DDX60L: variants seen among roughly 807,000 people sequenced by gnomAD.
DDX60L encodes DExD/H-box 60 like.
Under a neutral mutation model 211.6 loss-of-function variants are expected in DDX60L, and 191 were observed. The observed-to-expected ratio is 0.90, with a 90% confidence interval of 0.80 to 1.02. DDX60L has a LOEUF of 1.02. DDX60L is among the 50% of genes least tolerant of loss of function. DDX60L has a pLI of 0.00. For synonymous variants in DDX60L, 706 were observed against 694.1 expected, an observed-to-expected ratio of 1.02 and a Z score of -0.27; for missense variants, 2,007 against 1,984.1, an observed-to-expected ratio of 1.01 and a Z score of -0.22.
chr4:168,365,448 A>G (rs995951334), intron 36 of DDX60L, among the ~76,000 whole-genome samples: 1 of 152,048 alleles, frequency 6.6e-6, no homozygotes, highest in Non-Finnish European at 1.5e-5. Context: ...GGACATATAC[A>G]ACTTCCCAAA....
In DDX60L at chr4:168,384,900, CG is replaced by C. The variant is rs1303292099; in HGVS notation, c.3916-89del. 41 of 1,304,154 alleles carry C rather than the reference CG, an allele frequency of 3.1e-5. 1 individual carries two copies. The highest frequency in any genetic ancestry group is 4.0e-5 in the Non-Finnish European group (37 of 933,896). The allele number at this position is 1,304,154 out of a possible 1,614,324, so 80.8% of individuals were successfully genotyped here. ...GATTTATGACTTTACACTTGTTATC[CG>C]GGATTGTGTTAAATTGTGTATTTAG... On this transcript the variant is annotated intron_variant, in intron 29 of 37. Transcript: ENST00000682922.
chr4:168,415,025 G>A (rs1227524776), intron 22 of DDX60L, among the ~76,000 whole-genome samples: 2 of 151,754 alleles, frequency 1.3e-5, no homozygotes, highest in Non-Finnish European at 2.9e-5. Flanking sequence ...TTGTGCTTAA[G>A]GTAATGGATA....
chr4:168,431,554 C>A (rs374927055), intron 12 of DDX60L, among the ~76,000 whole-genome samples: 3 of 84,858 alleles, frequency 3.5e-5, no homozygotes, highest in African/African-American at 4.8e-5. Context: ...GACTGTTGTG[C>A]GGTGGGGGGT....
chr4:168,383,023 T>C (rs1182146654), intron 30 of DDX60L, among the ~76,000 whole-genome samples: 2 of 152,222 alleles, frequency 1.3e-5, no homozygotes, highest in Admixed American at 6.5e-5. Context: ...CTGACAGTTC[T>C]GAGATTTAGG....
intron 9 of DDX60L, among the ~76,000 whole-genome samples, chr4:168,442,851 G>A (rs1340537417): frequency 6.6e-6 from 1 of 151,142 alleles, no homozygotes; most frequent in Non-Finnish European, 1.5e-5. Flanking sequence ...AAACAGAAAG[G>A]ACATCCACAC....
At chr4:168,453,386 A>G (rs1017355100) in intron 7 of DDX60L, 104 bp from the exon 8 acceptor site, 7 of 1,236,220 alleles carry the variant, frequency 5.7e-6, no homozygotes, top group African/African-American at 4.6e-5. Flanking sequence ...TTACATCTAC[A>G]TTTGTGAGAA....
chr4:168,466,998 C>T (rs2712154), intron 4 of DDX60L, among the ~76,000 whole-genome samples: 123,523 of 152,172 alleles, frequency 0.81, 50,211 homozygotes, highest in East Asian at 0.88. Flanking sequence ...GTTGCTTTTG[C>T]AGTGTTCTTC....
At chr4:168,438,082 C>G (rs1753313698) in intron 10 of DDX60L, among the ~76,000 whole-genome samples, 2 of 152,044 alleles carry the variant, frequency 1.3e-5, no homozygotes, top group Non-Finnish European at 1.5e-5. Context: ...ACTGTGTTAG[C>G]CAGGATGGTC....
chr4:168,442,195 C>T (rs1001414247), intron 9 of DDX60L, among the ~76,000 whole-genome samples: 7 of 152,260 alleles, frequency 4.6e-5, no homozygotes, highest in East Asian at 3.9e-4. Flanking sequence ...ACTTGGGAAG[C>T]GCAAGGGGTC....
intron 29 of DDX60L, among the ~76,000 whole-genome samples, chr4:168,390,970 T>TA (rs149353588): frequency 0.22 from 33,677 of 150,862 alleles, 3,892 homozygotes; most frequent in Middle Eastern, 0.34. Flanking sequence ...AAAACCTTTT[T>TA]AAAAAAAAAG....
At chr4:168,384,493 A>G in intron 30 of DDX60L, 119 bp downstream of exon 30, 1 of 1,303,476 alleles carries the variant, frequency 7.7e-7, no homozygotes, top group Non-Finnish European at 1.1e-6. Flanking sequence ...TCTCCAAAAC[A>G]ATCAAACAAA....
intron 22 of DDX60L, among the ~76,000 whole-genome samples, chr4:168,412,204 G>T (rs934372950): frequency 5.3e-5 from 8 of 151,824 alleles, no homozygotes; most frequent in Non-Finnish European, 8.8e-5. Flanking sequence ...TTGAAGAAAA[G>T]AGAGGGAAGA....
chr4:168,373,603 A>T, intron 35 of DDX60L, 63 bp downstream of exon 35: 1 of 1,528,870 alleles, frequency 6.5e-7, no homozygotes, highest in South Asian at 1.2e-5. Context: ...AAGGCTTCAC[A>T]GCAATGTAAC....
At chr4:168,473,739 A>G (rs2634956) in intron 1 of DDX60L, among the ~76,000 whole-genome samples, 3 of 152,196 alleles carry the variant, frequency 2.0e-5, no homozygotes, top group South Asian at 2.1e-4. Context: ...ACTCTGGGTC[A>G]CCCCCAAAAT....
intron 15 of DDX60L, among the ~76,000 whole-genome samples, 158 bp from the exon 16 acceptor site, chr4:168,422,828 T>C (rs183060235): frequency 1.2e-3 from 188 of 152,126 alleles, no homozygotes; most frequent in African/African-American, 3.6e-3. Context: ...CAGGCTGGAG[T>C]GCAGTGACGC....
At chr4:168,432,640 G>C in intron 11 of DDX60L, 70 bp from the exon 12 acceptor site, 5 of 874,508 alleles carry the variant, frequency 5.7e-6, no homozygotes, top group Non-Finnish European at 8.4e-6. Context: ...TTCAGGCTGT[G>C]ATAACAGAAA....
chr4:168,371,272 T>C (rs1480450699), intron 36 of DDX60L, among the ~76,000 whole-genome samples: 2 of 150,520 alleles, frequency 1.3e-5, no homozygotes, highest in Non-Finnish European at 1.5e-5. Context: ...TTGTAATATA[T>C]CCAAATTTTC....
chr4:168,462,017 AT>A lies in DDX60L; in HGVS notation c.287del (p.Asp96ValfsTer8), dbSNP rs1757383265. 6.2e-7 allele frequency: 1 copy of A among 1,607,722 alleles called. No homozygotes were observed. The highest frequency in any genetic ancestry group is 1.1e-5 in the South Asian group (1 of 90,238). ...FFKDAEYAYF[D>X]FPELLSLRTA... Reference sequence around the variant, plus strand: ...TCCTCAATGAAAGAAGTTCAGGAAAATCAAAATATGCATATTCAGCATCCTG... The same window carrying A: ...TCCTCAATGAAAGAAGTTCAGGAAAACAAAATATGCATATTCAGCATCCTG... On this transcript the variant is annotated frameshift_variant, in exon 5 of 38. Coordinates refer to ENST00000682922, the MANE Select transcript of DDX60L (RefSeq NM_001012967.3). LOFTEE classifies it high-confidence loss of function.
chr4:168,448,617 T>C, intron 9 of DDX60L, 21 bp downstream of exon 9: 1 of 1,481,192 alleles, frequency 6.8e-7, no homozygotes, highest in South Asian at 1.2e-5. Flanking sequence ...GATATAATGT[T>C]AATGCATATT....
Sources: allele counts gnomAD v4.1 joint callset (sites outside exome capture counted in the v4.1 genomes callset), GRCh38; gene constraint gnomAD v4.1.1; transcripts MANE v1.5; gene names NCBI Gene and HGNC (gene_info 2026-07-23, HGNC 2026-07-21).